The following SPAG16 variants were observed in gnomAD, a reference collection of about 807,000 sequenced individuals.
The protein encoded by SPAG16 is sperm associated antigen 16, also known as sperm-associated antigen 16 protein.
In SPAG16, 86 loss-of-function variants were observed where a neutral mutation model predicts 80.4. The observed-to-expected ratio is 1.07, with a 90% CI of 0.90 to 1.28. The LOEUF is 1.28. Ranked by LOEUF, SPAG16 falls within the 50% of genes most tolerant of loss-of-function variation. SPAG16 has a pLI of 0.00. For missense variants in SPAG16, 870 were observed against 765.3 expected (o/e 1.14, Z -1.61); for synonymous variants, 294 against 265.9 (o/e 1.11, Z -1.03).
intron 15 of SPAG16, among the ~76,000 whole-genome samples, chr2:214,303,417 C>T (rs1440399082): frequency 2.0e-5 from 3 of 152,152 alleles, no homozygotes; most frequent in Non-Finnish European, 4.4e-5. Flanking sequence ...TCATGGATGG[C>T]ATTTTTTTAA....
chr2:214,292,211 A>G (rs1166489150), intron 15 of SPAG16, among the ~76,000 whole-genome samples: 5 of 152,166 alleles, frequency 3.3e-5, no homozygotes, highest in African/African-American at 4.8e-5. Context: ...TGGTTGGACT[A>G]TAATATGCTG....
In SPAG16 at chr2:214,043,036, G is replaced by A. The variant is rs146417512; in HGVS notation, c.1527+28959G>A. Among the ~76,000 whole-genome samples the A allele has an allele frequency of 3.3e-3, 498 of 151,958 alleles. 1 individual carries two copies. The highest frequency in any genetic ancestry group is 0.012 in the African/African-American group (477 of 41,448). Reference sequence around the variant, plus strand: ...TAATATTCAAGCTTTACTAAATAATGTCAAAAAAACTCATGCAAAGTAGAG... The same window carrying A: ...TAATATTCAAGCTTTACTAAATAATATCAAAAAAACTCATGCAAAGTAGAG... On this transcript the variant is annotated intron_variant, in intron 13 of 15. Transcript: ENST00000331683.
intron 9 of SPAG16, among the ~76,000 whole-genome samples, chr2:213,426,057 C>T (rs527749497): frequency 6.6e-6 from 1 of 152,248 alleles, no homozygotes; most frequent in Non-Finnish European, 1.5e-5. Flanking sequence ...AGTATTTCTT[C>T]AATTATTAAT....
chr2:214,232,491 G>A (rs1688764275), intron 15 of SPAG16, among the ~76,000 whole-genome samples: 1 of 151,830 alleles, frequency 6.6e-6, no homozygotes, highest in Non-Finnish European at 1.5e-5. Context: ...GAAGAACTTT[G>A]GAGAATATTT....
chr2:214,338,843 G>C (rs1697474961), intron 15 of SPAG16, among the ~76,000 whole-genome samples: 1 of 152,168 alleles, frequency 6.6e-6, no homozygotes, highest in South Asian at 2.1e-4. Flanking sequence ...CTACAGAATA[G>C]TTGCGATTTT....
intron 10 of SPAG16, among the ~76,000 whole-genome samples, chr2:213,591,633 G>A (rs1046015181): frequency 4.6e-5 from 7 of 152,160 alleles, no homozygotes; most frequent in African/African-American, 1.7e-4. Flanking sequence ...ACTGCAATGA[G>A]GTTTTGTGGT....
At chr2:213,416,658 C>T (rs1204433254) in intron 9 of SPAG16, among the ~76,000 whole-genome samples, 2 of 151,994 alleles carry the variant, frequency 1.3e-5, no homozygotes, top group African/African-American at 4.8e-5. Flanking sequence ...CTCTGGCAGT[C>T]GTAGGTCTTT....
chr2:213,720,363 A>G (rs2066459806), intron 10 of SPAG16, among the ~76,000 whole-genome samples: 1 of 151,778 alleles, frequency 6.6e-6, no homozygotes, highest in African/African-American at 2.4e-5. Flanking sequence ...CGCAGTGGCT[A>G]ACACCTGTAA....
chr2:213,399,487 A>G (rs1209556500), intron 9 of SPAG16, among the ~76,000 whole-genome samples: 2 of 152,044 alleles, frequency 1.3e-5, no homozygotes, highest in Non-Finnish European at 2.9e-5. Flanking sequence ...TTAAAATGTA[A>G]ACATTCTCTT....
intron 13 of SPAG16, among the ~76,000 whole-genome samples, chr2:214,071,828 T>C (rs1385785174): frequency 6.6e-6 from 1 of 152,166 alleles, no homozygotes; most frequent in African/African-American, 2.4e-5. Flanking sequence ...TTTTGCCTTA[T>C]TCTTTTATGT....
At chr2:213,416,546 G>GTTTTTTTTTTTTT (rs1480038020) in intron 9 of SPAG16, among the ~76,000 whole-genome samples, 1 of 103,246 alleles carries the variant, frequency 9.7e-6, no homozygotes, top group African/African-American at 2.6e-5. Flanking sequence ...TACTTGACTT[G>GTTTTTTTTTTTTT]TTTTTTCTTT....
intron 3 of SPAG16, among the ~76,000 whole-genome samples, chr2:213,305,339 C>G (rs2062897746): frequency 6.6e-6 from 1 of 152,120 alleles, no homozygotes; most frequent in African/African-American, 2.4e-5. Flanking sequence ...GATTTGGATG[C>G]CCTTTATTTC....
intron 15 of SPAG16, among the ~76,000 whole-genome samples, chr2:214,202,914 G>A (rs1353846235): frequency 2.0e-5 from 3 of 152,166 alleles, no homozygotes; most frequent in Admixed American, 1.3e-4. Flanking sequence ...AGCTGTTAAA[G>A]AATATGATTC....
intron 10 of SPAG16, among the ~76,000 whole-genome samples, chr2:213,588,140 A>G (rs1029023497): frequency 2.6e-5 from 4 of 152,198 alleles, no homozygotes; most frequent in African/African-American, 9.6e-5. Flanking sequence ...ATCCTGTGAT[A>G]TTTAAAATTG....
intron 13 of SPAG16, among the ~76,000 whole-genome samples, chr2:214,104,092 T>G (rs565634490): frequency 1.1e-4 from 17 of 152,296 alleles, no homozygotes; most frequent in Admixed American, 9.8e-4. Context: ...CAGGGTGAGA[T>G]GTCCCTGTAT....
intron 13 of SPAG16, among the ~76,000 whole-genome samples, chr2:214,033,790 C>T (rs1390208350): frequency 6.6e-6 from 1 of 152,094 alleles, no homozygotes; most frequent in African/African-American, 2.4e-5. Flanking sequence ...CCTCTAAATA[C>T]ACCTCCAAAT....
chr2:213,802,217 T>C (rs2071454216), intron 10 of SPAG16, among the ~76,000 whole-genome samples: 1 of 152,214 alleles, frequency 6.6e-6, no homozygotes, highest in African/African-American at 2.4e-5. Flanking sequence ...TGTCCCTCTC[T>C]GATTATCTCC....
At chr2:214,200,165 A>G (rs1444832107) in intron 15 of SPAG16, among the ~76,000 whole-genome samples, 1 of 152,036 alleles carries the variant, frequency 6.6e-6, no homozygotes, top group Non-Finnish European at 1.5e-5. Flanking sequence ...GTCTTGTTCC[A>G]GTTCTTGGGG....
At chr2:214,131,779 G>T (rs1174607416) in intron 14 of SPAG16, among the ~76,000 whole-genome samples, 1 of 152,158 alleles carries the variant, frequency 6.6e-6, no homozygotes, top group Non-Finnish European at 1.5e-5. Flanking sequence ...ACAGTAAAAA[G>T]ATCAGTGGTT....
Sources: allele counts gnomAD v4.1 joint callset (sites outside exome capture counted in the v4.1 genomes callset), GRCh38; gene constraint gnomAD v4.1.1; transcripts MANE v1.5; gene names NCBI Gene and HGNC (gene_info 2026-07-23, HGNC 2026-07-21).